The following ZNF521 variants were observed in gnomAD, a reference collection of about 807,000 sequenced individuals.
The protein encoded by ZNF521 is LYST-interacting protein 3.
In ZNF521, 14 loss-of-function variants were observed where a neutral mutation model predicts 105.5. That is an observed-to-expected ratio of 0.13 (90% CI 0.09 to 0.21). ZNF521 has a LOEUF of 0.21. Among genes scored for constraint, ZNF521 ranks in the 10% least tolerant of loss-of-function variants. The pLI is 1.00. For missense variants in ZNF521, 1,233 were observed against 1,629.7 expected (o/e 0.76, Z 4.19); for synonymous variants, 635 against 606.0 (o/e 1.05, Z -0.70).
At chr18:25,218,879 C>CA (rs946220936) in intron 4 of ZNF521, among the ~76,000 whole-genome samples, 14 of 151,926 alleles carry the variant, frequency 9.2e-5, no homozygotes, top group African/African-American at 3.1e-4. Flanking sequence ...AGCTGACCCT[C>CA]AAAGAACACA....
intron 3 of ZNF521, among the ~76,000 whole-genome samples, chr18:25,287,715 T>C (rs955945298): frequency 6.6e-6 from 1 of 152,156 alleles, no homozygotes; most frequent in African/African-American, 2.4e-5. Context: ...AACTAATATT[T>C]TTTTCACTAC....
At chr18:25,178,981 A>G (rs1048028144) in intron 5 of ZNF521, among the ~76,000 whole-genome samples, 2 of 152,268 alleles carry the variant, frequency 1.3e-5, no homozygotes, top group South Asian at 2.1e-4. Flanking sequence ...TGTCTGTATA[A>G]CAAAAGTAAT....
chr18:25,092,259 G>C (rs1466043195), intron 5 of ZNF521, among the ~76,000 whole-genome samples, 178 bp from the exon 6 acceptor site: 1 of 152,120 alleles, frequency 6.6e-6, no homozygotes, highest in African/African-American at 2.4e-5. Context: ...ATTTAAAACA[G>C]TTCTGGAATT....
intron 4 of ZNF521, among the ~76,000 whole-genome samples, chr18:25,222,627 G>C (rs1666805502): frequency 6.6e-6 from 1 of 152,096 alleles, no homozygotes; most frequent in Non-Finnish European, 1.5e-5. Context: ...TTAAACATGA[G>C]TATCAATCTC....
At chr18:25,291,930 C>T (rs142263018) in intron 3 of ZNF521, among the ~76,000 whole-genome samples, 387 of 148,114 alleles carry the variant, frequency 2.6e-3, no homozygotes, top group Non-Finnish European at 4.3e-3. Flanking sequence ...AATCATTGCA[C>T]CAAGAAAAAA....
intron 5 of ZNF521, among the ~76,000 whole-genome samples, chr18:25,182,702 T>G (rs1366814338): frequency 2.6e-5 from 4 of 152,182 alleles, no homozygotes; most frequent in Non-Finnish European, 5.9e-5. Flanking sequence ...CAAGCCGTGT[T>G]TTACAGATGA....
chr18:25,120,582 T>TAAAAAA (rs796811110), intron 5 of ZNF521, among the ~76,000 whole-genome samples: 44 of 11,314 alleles, frequency 3.9e-3, no homozygotes, highest in African/African-American at 6.6e-3. Context: ...AAACTCCATC[T>TAAAAAA]AAAAAAAAAA....
intron 3 of ZNF521, among the ~76,000 whole-genome samples, chr18:25,235,845 C>G (rs1330001542): frequency 6.6e-6 from 1 of 152,144 alleles, no homozygotes; most frequent in Non-Finnish European, 1.5e-5. Context: ...ATTAGCACCC[C>G]CTGTGGGTTC....
At position 25,103,750 on chromosome 18, in the gene ZNF521, G is replaced by C. The variant is rs554310379; in HGVS notation, c.3659-11669C>G. 4.7e-5 allele frequency among the ~76,000 whole-genome samples: 6 copies of C among 126,892 alleles called. No individual in the cohort carries two copies. In the South Asian group the frequency reaches 1.1e-3, roughly 24 times the overall value. The allele number at this position is 126,892 out of a possible 152,430, so 83.2% of individuals were successfully genotyped here. A position where few individuals can be genotyped will look rare whatever the true frequency, so the allele number is the denominator to read the frequency against. ...GTTGTTATCCTCTGTGATGGGAAGA[G>C]AGAAGGAGTAAGGGAGGGAAGAAAG... is the stretch of plus-strand genomic sequence containing the variant. On this transcript the variant is annotated intron_variant, in intron 5 of 7. Coordinates refer to ENST00000361524, the MANE Select transcript of ZNF521 (RefSeq NM_015461.3).
chr18:25,330,256 C>T (rs184396398), intron 2 of ZNF521, among the ~76,000 whole-genome samples: 16 of 152,190 alleles, frequency 1.1e-4, no homozygotes, highest in Non-Finnish European at 1.8e-4. Context: ...TTCTGCCTCC[C>T]AGGTTCAAAC....
At chr18:25,221,285 A>G (rs1905707889) in intron 4 of ZNF521, among the ~76,000 whole-genome samples, 1 of 152,194 alleles carries the variant, frequency 6.6e-6, no homozygotes. Context: ...TTAGTGTTGC[A>G]TGCCTTGTCT....
chr18:25,300,609 T>A (rs145102323), intron 3 of ZNF521, among the ~76,000 whole-genome samples: 1 of 152,294 alleles, frequency 6.6e-6, no homozygotes, highest in East Asian at 1.9e-4. Flanking sequence ...CACTGCAAAC[T>A]TTGCACGTTA....
chr18:25,194,662 T>C (rs1350620376), intron 5 of ZNF521, among the ~76,000 whole-genome samples: 1 of 151,748 alleles, frequency 6.6e-6, no homozygotes, highest in Non-Finnish European at 1.5e-5. Context: ...TGATCATGAT[T>C]ATTTCCAGGC....
intron 3 of ZNF521, among the ~76,000 whole-genome samples, chr18:25,312,978 G>T (rs1484982285): frequency 2.0e-5 from 3 of 152,118 alleles, no homozygotes; most frequent in Non-Finnish European, 4.4e-5. Context: ...GCAAAGATTT[G>T]GTGAGCCGTT....
At chr18:25,211,930 G>C (rs2036186704) in intron 4 of ZNF521, among the ~76,000 whole-genome samples, 1 of 152,108 alleles carries the variant, frequency 6.6e-6, no homozygotes, top group Non-Finnish European at 1.5e-5. Flanking sequence ...TATAGATAAT[G>C]AGTTGAACAG....
intron 4 of ZNF521, among the ~76,000 whole-genome samples, chr18:25,208,763 G>A (rs1490150526): frequency 6.6e-6 from 1 of 152,172 alleles, no homozygotes; most frequent in Non-Finnish European, 1.5e-5. Flanking sequence ...TTTGAGTTTA[G>A]TTCATTCATT....
At chr18:25,109,959 G>A (rs776027222) in intron 5 of ZNF521, among the ~76,000 whole-genome samples, 1 of 152,070 alleles carries the variant, frequency 6.6e-6, no homozygotes, top group African/African-American at 2.4e-5. Flanking sequence ...TATTTAGTTT[G>A]AACTATACCA....
intron 3 of ZNF521, among the ~76,000 whole-genome samples, chr18:25,230,892 A>T (rs1464058872): frequency 6.6e-6 from 1 of 152,194 alleles, no homozygotes; most frequent in Non-Finnish European, 1.5e-5. Flanking sequence ...GTTAGTGCAG[A>T]TGTTTTTCTA....
chr18:25,327,006 C>T (rs1913256048), intron 2 of ZNF521, among the ~76,000 whole-genome samples: 1 of 152,096 alleles, frequency 6.6e-6, no homozygotes, highest in Non-Finnish European at 1.5e-5. Flanking sequence ...CTAAAAAATA[C>T]ATACTGTCTG....
Sources: allele counts gnomAD v4.1 joint callset (sites outside exome capture counted in the v4.1 genomes callset), GRCh38; gene constraint gnomAD v4.1.1; transcripts MANE v1.5; gene names NCBI Gene and HGNC (gene_info 2026-07-23, HGNC 2026-07-21).